The following CDKAL1 variants were observed in gnomAD, a reference collection of about 807,000 sequenced individuals.
CDKAL1 encodes the protein CDKAL1 threonylcarbamoyladenosine tRNA methylthiotransferase.
In CDKAL1, 32 loss-of-function variants were observed where a neutral mutation model predicts 68.2. That is an observed-to-expected ratio of 0.47 (90% confidence interval 0.35 to 0.63). CDKAL1 has a LOEUF of 0.63. Ranked by LOEUF, CDKAL1 falls within the 30% of genes least tolerant of loss-of-function variation. The pLI is 0.00. For synonymous variants in CDKAL1, 234 were observed against 244.3 expected, an observed-to-expected ratio of 0.96 and a Z score of 0.39; for missense variants, 606 against 696.7, an observed-to-expected ratio of 0.87 and a Z score of 1.47.
chr6:20,917,220 A>G (rs1581826136), intron 9 of CDKAL1, among the ~76,000 whole-genome samples: 1 of 152,254 alleles, frequency 6.6e-6, no homozygotes, highest in Non-Finnish European at 1.5e-5. Context: ...ACCTCAGGTG[A>G]TCCGCCCGCC....
At chr6:20,831,285 A>G (rs1777705995) in intron 8 of CDKAL1, among the ~76,000 whole-genome samples, 1 of 152,200 alleles carries the variant, frequency 6.6e-6, no homozygotes, top group Non-Finnish European at 1.5e-5. Context: ...TTTCACTGCA[A>G]ACAGTCGTCA....
At chr6:20,565,216 A>C (rs1223992126) in intron 4 of CDKAL1, among the ~76,000 whole-genome samples, 1 of 152,094 alleles carries the variant, frequency 6.6e-6, no homozygotes, top group East Asian at 1.9e-4. Flanking sequence ...AGACAGTTCC[A>C]TTACTATTAT....
chr6:20,732,306 T>C (rs1772988309), intron 5 of CDKAL1, among the ~76,000 whole-genome samples: 1 of 140,272 alleles, frequency 7.1e-6, no homozygotes, highest in Non-Finnish European at 1.5e-5. Flanking sequence ...AGACAGGGTC[T>C]CACTCTGTCA....
intron 15 of CDKAL1, among the ~76,000 whole-genome samples, chr6:21,224,406 C>T (rs1014413184): frequency 2.0e-5 from 3 of 152,088 alleles, no homozygotes; most frequent in Non-Finnish European, 4.4e-5. Flanking sequence ...ACGCGCTACT[C>T]GGGAGGCTCA....
chr6:21,080,573 G>T (rs115942960), intron 12 of CDKAL1, among the ~76,000 whole-genome samples: 1,602 of 152,194 alleles, frequency 0.011, 31 homozygotes, highest in African/African-American at 0.036. Flanking sequence ...ATCCTTTCAG[G>T]ATCCCAACCT....
intron 13 of CDKAL1, among the ~76,000 whole-genome samples, chr6:21,128,883 A>G (rs1775149210): frequency 6.6e-6 from 1 of 152,224 alleles, no homozygotes; most frequent in South Asian, 2.1e-4. Context: ...GGACCATTGT[A>G]CCATAAAACT....
chr6:21,065,984 C>T (rs1771416053), intron 12 of CDKAL1, among the ~76,000 whole-genome samples: 1 of 150,788 alleles, frequency 6.6e-6, no homozygotes, highest in Non-Finnish European at 1.5e-5. Flanking sequence ...CGGTTTTTGC[C>T]TTTAATTACC....
At chr6:21,176,296 A>G (rs574972001) in intron 13 of CDKAL1, among the ~76,000 whole-genome samples, 4 of 152,386 alleles carry the variant, frequency 2.6e-5, no homozygotes, top group African/African-American at 9.6e-5. Flanking sequence ...ACATTTTTCT[A>G]TACATTAATG....
intron 12 of CDKAL1, among the ~76,000 whole-genome samples, chr6:21,070,511 T>C (rs1458067323): frequency 6.6e-6 from 1 of 151,804 alleles, no homozygotes; most frequent in Non-Finnish European, 1.5e-5. Flanking sequence ...AGATCATCCC[T>C]GCTCTACCTT....
At chr6:21,080,203 A>AT (rs1772311584) in intron 12 of CDKAL1, among the ~76,000 whole-genome samples, 1 of 152,098 alleles carries the variant, frequency 6.6e-6, no homozygotes, top group Non-Finnish European at 1.5e-5. Flanking sequence ...AATAACAAAA[A>AT]TTGTTGTTAA....
intron 13 of CDKAL1, among the ~76,000 whole-genome samples, chr6:21,136,666 C>CT (rs922389439): frequency 6.6e-6 from 1 of 151,594 alleles, no homozygotes; most frequent in African/African-American, 2.4e-5. Context: ...AAAATGTGTA[C>CT]TTTTTTTTTC....
At chr6:20,998,829 T>C (rs1007162625) in intron 10 of CDKAL1, among the ~76,000 whole-genome samples, 9 of 152,212 alleles carry the variant, frequency 5.9e-5, no homozygotes, top group East Asian at 1.9e-4. Context: ...TGAGTAATTG[T>C]ATTTGATAAT....
At chr6:21,195,283 C>T (rs963798903) in intron 13 of CDKAL1, among the ~76,000 whole-genome samples, 2 of 152,004 alleles carry the variant, frequency 1.3e-5, no homozygotes, top group Non-Finnish European at 2.9e-5. Context: ...CCACCTCAGT[C>T]TCCCAAGTAG....
rs184144799 is a variant in CDKAL1, at chr6:20,920,149, T to G, written c.743-35270T>G. Among the ~76,000 whole-genome samples the G allele has an allele frequency of 1.8e-3, 270 of 152,336 alleles. 1 individual carries two copies. The highest frequency in any genetic ancestry group is 3.1e-3 in the Non-Finnish European group (209 of 68,034). On this transcript the variant is annotated intron_variant, in intron 9 of 15. Coordinates refer to ENST00000274695, the MANE Select transcript of CDKAL1 (RefSeq NM_017774.3). ...ACTCAGAACCAGCTGCTGTTGCTTATGACTAAGTAGTTGAAAGATCAATTC... is the reference window on the plus strand; with the variant it reads ...ACTCAGAACCAGCTGCTGTTGCTTAGGACTAAGTAGTTGAAAGATCAATTC...
intron 9 of CDKAL1, among the ~76,000 whole-genome samples, chr6:20,930,300 A>AT (rs1484207954): frequency 6.0e-5 from 9 of 151,182 alleles, no homozygotes; most frequent in Non-Finnish European, 1.0e-4. Context: ...TATAAAAAGT[A>AT]TTTTTTTTTC....
At chr6:20,947,591 A>AAAAAC (rs1002654146) in intron 9 of CDKAL1, among the ~76,000 whole-genome samples, 10 of 152,162 alleles carry the variant, frequency 6.6e-5, no homozygotes, top group African/African-American at 2.4e-4. Context: ...ACCCTGTCTT[A>AAAAAC]AAAACAAAAC....
chr6:20,744,107 T>G (rs945369337), intron 6 of CDKAL1, among the ~76,000 whole-genome samples: 1 of 152,098 alleles, frequency 6.6e-6, no homozygotes, highest in Non-Finnish European at 1.5e-5. Flanking sequence ...TACCTTAGAG[T>G]TTTCATGCAA....
chr6:20,570,793 G>C (rs2127677904), intron 4 of CDKAL1, among the ~76,000 whole-genome samples: 1 of 152,212 alleles, frequency 6.6e-6, no homozygotes, highest in Non-Finnish European at 1.5e-5. Flanking sequence ...GATATCAAGG[G>C]ATGGTTAGAG....
chr6:20,820,864 A>G (rs1433499183), intron 8 of CDKAL1, among the ~76,000 whole-genome samples: 1 of 152,160 alleles, frequency 6.6e-6, no homozygotes, highest in Non-Finnish European at 1.5e-5. Flanking sequence ...GGAGACAGAC[A>G]GGTAAACAGC....
Sources: allele counts gnomAD v4.1 joint callset (sites outside exome capture counted in the v4.1 genomes callset), GRCh38; gene constraint gnomAD v4.1.1; transcripts MANE v1.5; gene names NCBI Gene and HGNC (gene_info 2026-07-23, HGNC 2026-07-21).